Variants in MINDY4B observed in about 807,000 individuals in gnomAD.
MINDY4B encodes the protein MINDY family member 4B, also known as inactive ubiquitin carboxyl-terminal hydrolase MINDY-4B.
A neutral mutation model predicts 16.7 loss-of-function variants in MINDY4B; 25 were observed. The ratio of observed to expected loss-of-function variants is 1.49; its 90% CI spans 1.09 to 2.09. The LOEUF is 2.09. Among genes scored for constraint, MINDY4B ranks in the 30% most tolerant of loss-of-function variants. The pLI is 0.00. For missense variants in MINDY4B, 327 were observed against 168.4 expected (o/e 1.94, Z -5.21); for synonymous variants, 132 against 61.9 (o/e 2.13, Z -5.32).
intron 10 of MINDY4B, among the ~76,000 whole-genome samples, chr3:150,877,805 A>G (rs1185123983): frequency 7.9e-5 from 12 of 152,206 alleles, no homozygotes; most frequent in Admixed American, 2.0e-4. Flanking sequence ...AACAGATATT[A>G]TAGACCATAT....
chr3:150,892,782 T>TAAAAAAAA (rs35470998), intron 5 of MINDY4B, among the ~76,000 whole-genome samples: 1 of 138,246 alleles, frequency 7.2e-6, no homozygotes, highest in Non-Finnish European at 1.6e-5. Context: ...CTAGCTCTAC[T>TAAAAAAAA]AAAAAAAAAA....
chr3:150,904,756 G>T (rs932390256), intron 2 of MINDY4B, among the ~76,000 whole-genome samples: 1 of 152,174 alleles, frequency 6.6e-6, no homozygotes, highest in Non-Finnish European at 1.5e-5. Context: ...GCACTTGGTT[G>T]TCAGAATCCA....
intron 3 of MINDY4B, among the ~76,000 whole-genome samples, chr3:150,900,355 A>G (rs1712085878): frequency 1.3e-5 from 2 of 152,246 alleles, no homozygotes; most frequent in Admixed American, 1.3e-4. Context: ...AATGCCATGC[A>G]TCCGTAATCC....
rs16862930 is a variant in MINDY4B, at chr3:150,874,595, A to C, written c.1060-1228T>G. Among the ~76,000 whole-genome samples, 422 of 152,372 alleles carry C rather than the reference A, an allele frequency of 2.8e-3. 2 individuals are homozygous for C. The highest frequency in any genetic ancestry group is 0.01 in the Middle Eastern group (3 of 294). On this transcript the variant is annotated intron_variant, in intron 10 of 11. Coordinates refer to ENST00000465419, the MANE Select transcript of MINDY4B (RefSeq NM_001351281.2). ...TGATTTCCATGTGACGCCAAGGAGAATTCCTGGGCCCCTTAGCTTGGCCTT... is the reference window on the plus strand; with the variant it reads ...TGATTTCCATGTGACGCCAAGGAGACTTCCTGGGCCCCTTAGCTTGGCCTT...
intron 2 of MINDY4B, 121 bp from the exon 3 acceptor site, chr3:150,903,537 G>C (rs1413925579): frequency 7.6e-6 from 3 of 396,532 alleles, no homozygotes; most frequent in Non-Finnish European, 1.3e-5. Context: ...CACTTTTAAA[G>C]ACGTCTGAAA....
At chr3:150,903,123 C>A (rs1354746260) in intron 3 of MINDY4B, 126 bp downstream of exon 3, 3 of 396,478 alleles carry the variant, frequency 7.6e-6, no homozygotes, top group Non-Finnish European at 1.3e-5. Flanking sequence ...TCTCCTTTTA[C>A]CAATAACAAC....
chr3:150,897,040 C>T (rs1223086465), intron 3 of MINDY4B, among the ~76,000 whole-genome samples: 2 of 152,116 alleles, frequency 1.3e-5, no homozygotes, highest in Non-Finnish European at 2.9e-5. Flanking sequence ...TGTGTACTGC[C>T]CTTTACTGTA....
At position 150,893,708 on chromosome 3, in the gene MINDY4B, T is replaced by A. The variant is rs150791905; in HGVS notation, c.430-293A>T. 2.1e-4 allele frequency among the ~76,000 whole-genome samples: 3 copies of A among 14,312 alleles called. 1 individual carries two copies. Among genetic ancestry groups the A allele is most frequent in the Non-Finnish European group, 6.8e-4 (3 of 4,422 alleles). The allele number at this position is 14,312 out of a possible 152,430, so 9.4% of individuals were successfully genotyped here. On this transcript the variant is annotated intron_variant, in intron 4 of 11. Coordinates refer to ENST00000465419, the MANE Select transcript of MINDY4B (RefSeq NM_001351281.2). ...AGTAGTTTTTTTTTGGGGGGGGGGG[T>A]GGGGTGCAGTCTTGCTCTGTCTCCC...
At chr3:150,888,001 G>A (rs554416152) in intron 7 of MINDY4B, among the ~76,000 whole-genome samples, 3 of 152,200 alleles carry the variant, frequency 2.0e-5, no homozygotes, top group East Asian at 3.9e-4. Context: ...CCAGCTACTC[G>A]GAGGCTGAGG....
At chr3:150,895,799 TTAAC>T (rs1711946768) in intron 3 of MINDY4B, among the ~76,000 whole-genome samples, 1 of 152,218 alleles carries the variant, frequency 6.6e-6, no homozygotes, top group African/African-American at 2.4e-5. Flanking sequence ...TTCCTTCATC[TTAAC>T]TTTAGATAAC....
intron 10 of MINDY4B, among the ~76,000 whole-genome samples, chr3:150,881,660 T>C (rs1711523676): frequency 7.0e-6 from 1 of 142,176 alleles, no homozygotes; most frequent in South Asian, 2.3e-4. Flanking sequence ...AAAGAAAGAG[T>C]ATTTCTGAAA....
intron 8 of MINDY4B, among the ~76,000 whole-genome samples, chr3:150,884,200 T>C (rs1310559638): frequency 6.6e-6 from 1 of 152,184 alleles, no homozygotes; most frequent in African/African-American, 2.4e-5. Flanking sequence ...GCTGAGCCCG[T>C]TTCTTGGCTG....
In MINDY4B at chr3:150,879,112, C is replaced by T. The variant is rs372676546; in HGVS notation, c.1059+3785G>A. 2.3e-4 allele frequency among the ~76,000 whole-genome samples: 35 copies of T among 152,234 alleles called. No individual in the cohort carries two copies. The South Asian group carries it at 6.4e-3, about 28-fold the overall frequency. On this transcript the variant is annotated intron_variant, in intron 10 of 11. Transcript: ENST00000465419. Reference sequence around the variant, plus strand: ...AGCCTTGCAACTGTTAAAAACGAACCGAAAGCTGTCAACCTTTCTAATACT... The same window carrying T: ...AGCCTTGCAACTGTTAAAAACGAACTGAAAGCTGTCAACCTTTCTAATACT...
intron 10 of MINDY4B, among the ~76,000 whole-genome samples, chr3:150,878,884 C>T (rs914911019): frequency 2.6e-5 from 4 of 152,142 alleles, no homozygotes; most frequent in African/African-American, 7.2e-5. Context: ...CATGATTTAG[C>T]AGTTCTATTG....
chr3:150,902,765 A>G (rs1472979785), intron 3 of MINDY4B, among the ~76,000 whole-genome samples: 1 of 152,222 alleles, frequency 6.6e-6, no homozygotes, highest in Admixed American at 6.5e-5. Context: ...TCAAATCTGC[A>G]TATTAATTGG....
chr3:150,900,824 G>A (rs1712097151), intron 3 of MINDY4B, among the ~76,000 whole-genome samples: 1 of 152,148 alleles, frequency 6.6e-6, no homozygotes, highest in Non-Finnish European at 1.5e-5. Flanking sequence ...CAGACTCAGA[G>A]TTTCTCGCCT....
intron 9 of MINDY4B, 45 bp downstream of exon 9, chr3:150,883,655 A>C (rs1245568418): frequency 1.4e-6 from 1 of 697,036 alleles, no homozygotes; most frequent in African/African-American, 1.8e-5. Flanking sequence ...GTGGCATTCA[A>C]CTAATTCAGA....
intron 11 of MINDY4B, among the ~76,000 whole-genome samples, 179 bp from the exon 12 acceptor site, chr3:150,871,366 T>C (rs1010353935): frequency 1.3e-5 from 2 of 152,016 alleles, no homozygotes; most frequent in Non-Finnish European, 2.9e-5. Context: ...CCATACAGAA[T>C]GAGTCAGTGG....
At chr3:150,889,999 T>C (rs763457790) in intron 7 of MINDY4B, among the ~76,000 whole-genome samples, 2 of 152,222 alleles carry the variant, frequency 1.3e-5, no homozygotes, top group African/African-American at 4.8e-5. Context: ...TTCACCATTT[T>C]GTTTTTTATT....
Sources: gnomAD v4.1 joint callset for allele counts (sites outside exome capture counted in the v4.1 genomes callset) on GRCh38, gnomAD v4.1.1 for gene constraint, MANE v1.5 for transcripts, NCBI Gene and HGNC (gene_info 2026-07-23, HGNC 2026-07-21) for gene names.